ASB18: variants seen among roughly 807,000 people sequenced by gnomAD.
ASB18 encodes the protein ankyrin repeat and SOCS box containing 18, also known as ankyrin repeat and SOCS box protein 18.
Under a neutral mutation model 33.4 loss-of-function variants are expected in ASB18, and 33 were observed. The ratio of observed to expected loss-of-function variants is 0.99; its 90% confidence interval spans 0.75 to 1.32. The LOEUF (loss-of-function observed/expected upper bound fraction) is 1.32. Ranked by LOEUF, ASB18 falls within the 40% of genes most tolerant of loss-of-function variation. ASB18 has a pLI of 0.00. For synonymous variants in ASB18, 295 were observed against 307.6 expected, an observed-to-expected ratio of 0.96 and a Z score of 0.43; for missense variants, 694 against 655.5, an observed-to-expected ratio of 1.06 and a Z score of -0.64.
At chr2:236,227,924 A>G (rs1173616593) in intron 3 of ASB18, among the ~76,000 whole-genome samples, 1 of 152,214 alleles carries the variant, frequency 6.6e-6, no homozygotes, top group East Asian at 1.9e-4. Flanking sequence ...GAGGGCAGGG[A>G]CTATGTCTAA....
At chr2:236,218,457 A>G (rs1297812551) in intron 3 of ASB18, among the ~76,000 whole-genome samples, 1 of 152,230 alleles carries the variant, frequency 6.6e-6, no homozygotes, top group Non-Finnish European at 1.5e-5. Context: ...GCACCACTGT[A>G]CAGTCCCATT....
rs997934569 is a variant in ASB18 at position 236,200,323 on chromosome 2, T to G, written c.1102-3938A>C. ...GAGATCATGCCACTGCACTCCAGCC[T>G]GGGCGACAGAGCAAGACTCCGTCTA... On this transcript the variant is annotated intron_variant, in intron 4 of 5. Transcript: ENST00000409749. This position sits in a 1 kb window ranked among gnomAD's most constrained non-coding sequence, Gnocchi z 4.2. Among the ~76,000 whole-genome samples, 21 of 152,034 alleles carry G rather than the reference T, an allele frequency of 1.4e-4. No homozygotes were observed. Among genetic ancestry groups the G allele is most frequent in the Non-Finnish European group, 2.6e-4 (18 of 68,018 alleles).
At position 236,214,300 on chromosome 2, in the gene ASB18, A is replaced by G; in HGVS notation, c.1101+62T>C. 6.6e-7 allele frequency: 1 copy of G among 1,516,178 alleles called. No homozygotes were observed. Among genetic ancestry groups the G allele is most frequent in the South Asian group, 1.2e-5 (1 of 81,768 alleles). The allele number at this position is 1,516,178 out of a possible 1,614,324, so 93.9% of individuals were successfully genotyped here. ...GAGCGCCGCATGCAACCCAGCTCCCAGGCCGGTCACTAAGTGGCAAAACTC... is the reference window on the plus strand; with the variant it reads ...GAGCGCCGCATGCAACCCAGCTCCCGGGCCGGTCACTAAGTGGCAAAACTC... On this transcript the variant is annotated intron_variant, in intron 4 of 5. Transcript: ENST00000409749. This position sits in a 1 kb window ranked among gnomAD's most constrained non-coding sequence, Gnocchi z 6.5.
rs2060688446 is a variant in ASB18, at chr2:236,255,608, C to T, written c.205+8533G>A. Among the ~76,000 whole-genome samples the T allele has an allele frequency of 6.6e-6, 1 of 152,196 alleles. No individual in the cohort carries two copies. The highest frequency in any genetic ancestry group is 1.5e-5 in the Non-Finnish European group (1 of 68,030). On this transcript the variant is annotated intron_variant, in intron 1 of 5. Coordinates refer to ENST00000409749, the MANE Select transcript of ASB18 (RefSeq NM_212556.4). The surrounding 1 kb of genome is among the most constrained non-coding windows in gnomAD (Gnocchi z 4.4). ...GCTGGTGGCCTCTCCTGGCACCTGT[C>T]CTTTCTCCTCTATCTTCTGCTTTAC...
rs1277035733 is a variant in ASB18, at chr2:236,222,872, T to C, written c.597-8006A>G. Among the ~76,000 whole-genome samples the C allele has an allele frequency of 2.0e-5, 3 of 151,956 alleles. No homozygotes were observed. Among genetic ancestry groups the C allele is most frequent in the African/African-American group, 7.3e-5 (3 of 41,364 alleles). Reference sequence around the variant, plus strand: ...CTATCTCTACTAAAAATACAAAAATTAGATGGGTGTGGTGGCGCACACCTG... The same window carrying C: ...CTATCTCTACTAAAAATACAAAAATCAGATGGGTGTGGTGGCGCACACCTG... On this transcript the variant is annotated intron_variant, in intron 3 of 5. Transcript: ENST00000409749. This position sits in a 1 kb window ranked among gnomAD's most constrained non-coding sequence, Gnocchi z 5.5.
intron 1 of ASB18, among the ~76,000 whole-genome samples, chr2:236,261,507 A>T (rs1156328305): frequency 6.6e-6 from 1 of 152,186 alleles, no homozygotes; most frequent in African/African-American, 2.4e-5. Context: ...TTTCTCTGTG[A>T]TAAAGTCACT....
At position 236,263,434 on chromosome 2, in the gene ASB18, A is replaced by G. The variant is rs914690966; in HGVS notation, c.205+707T>C. Among the ~76,000 whole-genome samples, 1 of 152,196 alleles carries G rather than the reference A, an allele frequency of 6.6e-6. No individual in the cohort carries two copies. Among genetic ancestry groups the G allele is most frequent in the Non-Finnish European group, 1.5e-5 (1 of 68,032 alleles). On this transcript the variant is annotated intron_variant, in intron 1 of 5. Coordinates refer to ENST00000409749, the MANE Select transcript of ASB18 (RefSeq NM_212556.4). This position sits in a 1 kb window ranked among gnomAD's most constrained non-coding sequence, Gnocchi z 4.0. ...CTTATCAAATGGCAATTTAATACAA[A>G]CATTCATTACCAGTGATGCTCCTTG... is the stretch of plus-strand genomic sequence containing the variant.
At chr2:236,243,578 G>C (rs1215764781) in intron 1 of ASB18, among the ~76,000 whole-genome samples, 1 of 152,004 alleles carries the variant, frequency 6.6e-6, no homozygotes, top group Non-Finnish European at 1.5e-5. Flanking sequence ...GGACAGATGC[G>C]GGGTTCCCAA....
At position 236,229,169 on chromosome 2, in the gene ASB18, G is replaced by T. The variant is rs1361003605; in HGVS notation, c.596+8520C>A. ...CACTTGTTATAACTATATTCCACCT[G>T]TTTGAGAAGCTAGAGGAAAGACTGA... is the stretch of plus-strand genomic sequence containing the variant. On this transcript the variant is annotated intron_variant, in intron 3 of 5. Transcript: ENST00000409749. This position sits in a 1 kb window ranked among gnomAD's most constrained non-coding sequence, Gnocchi z 5.2. Among the ~76,000 whole-genome samples, 1 of 152,218 alleles carries T rather than the reference G, an allele frequency of 6.6e-6. No homozygotes were observed. Among genetic ancestry groups the T allele is most frequent in the East Asian group, 1.9e-4 (1 of 5,194 alleles).
At position 236,250,669 on chromosome 2, in the gene ASB18, A is replaced by T. The variant is rs2060664572; in HGVS notation, c.206-9267T>A. ...CAGGCCTTCCAGTGGAGTTACTTTC[A>T]CACCCTCTTCTGGTCTTTATTCTTC... On this transcript the variant is annotated intron_variant, in intron 1 of 5. Coordinates refer to ENST00000409749, the MANE Select transcript of ASB18 (RefSeq NM_212556.4). This position sits in a 1 kb window ranked among gnomAD's most constrained non-coding sequence, Gnocchi z 4.1. 1 of 152,152 alleles carries T rather than the reference A, an allele frequency of 6.6e-6. No homozygotes were observed. The highest frequency in any genetic ancestry group is 1.5e-5 in the Non-Finnish European group (1 of 68,028). The allele number at this position is 152,152 out of a possible 1,614,324, so 9.4% of individuals were successfully genotyped here.
Position 236,204,078 on chromosome 2 carries a change from G to A in ASB18, c.1102-7693C>T, listed in dbSNP as rs189455758. Among the ~76,000 whole-genome samples the A allele has an allele frequency of 4.9e-4, 73 of 149,898 alleles. 1 individual carries two copies. Among genetic ancestry groups the A allele is most frequent in the Admixed American group, 4.0e-4 (6 of 15,154 alleles). The stretch of plus-strand genomic sequence containing the variant: ...TTGAGATATATTTAGGGGGAAGAGT[G>A]GGGAGAATCTGGGGATGGATTTCCC... On this transcript the variant is annotated intron_variant, in intron 4 of 5. Transcript: ENST00000409749. The surrounding 1 kb of genome is among the most constrained non-coding windows in gnomAD (Gnocchi z 5.1).
rs1246629312 is a variant in ASB18 at position 236,237,638 on chromosome 2, G to T, written c.596+51C>A. On this transcript the variant is annotated intron_variant, in intron 3 of 5. Coordinates refer to ENST00000409749, the MANE Select transcript of ASB18 (RefSeq NM_212556.4). This position sits in a 1 kb window ranked among gnomAD's most constrained non-coding sequence, Gnocchi z 6.2. ...GGCGGTCTCGTGGGGGGAGGCGGGC[G>T]TCTGGTCTCGGGGCGGGGCGGACGC... The T allele has an allele frequency of 2.1e-5, 27 of 1,314,898 alleles. No homozygotes were observed. Among genetic ancestry groups the T allele is most frequent in the Non-Finnish European group, 2.5e-5 (26 of 1,033,244 alleles). 81.5% of individuals were successfully genotyped at this position (1,314,898 alleles called of 1,614,324 possible). A position where few individuals can be genotyped will look rare whatever the true frequency, so the allele number is the denominator to read the frequency against.
In ASB18 at chr2:236,241,346, C is replaced by A. The variant is rs772503213; in HGVS notation, c.262G>T (p.Val88Leu). The change falls in exon 2 of 6, where the codon GTG becomes TTG. Residue 88 changes from valine to leucine, a missense_variant. By Grantham distance (32) the Val-to-Leu change is conservative (BLOSUM62 1). Coordinates refer to ENST00000409749, the MANE Select transcript of ASB18 (RefSeq NM_212556.4). The surrounding 1 kb of genome is among the most constrained non-coding windows in gnomAD (Gnocchi z 4.2). ...ATCTCATCCTTATTGATCTCAAACACCACGTTGGCATCCTGGAAGAACTGG... is the reference window on the plus strand; with the variant it reads ...ATCTCATCCTTATTGATCTCAAACAACACGTTGGCATCCTGGAAGAACTGG... ...MDQFFQDANV[V>L]FEINKDEMEW... 6 of 1,613,944 alleles carry A rather than the reference C, an allele frequency of 3.7e-6. No homozygotes were observed. In the East Asian group the frequency reaches 1.1e-4, roughly 30 times the overall value.
chr2:236,237,772 C>T lies in ASB18; in HGVS notation c.513G>A (p.Leu171=), dbSNP rs562208286. ...GGTCGGGGTCGGCGCGGTGCTGCAG[C>T]AGCAGGCGGACGCAGGCGGTGTGGC... ...LGGHTACVRL[L]LQHRADPDLL... The change falls in exon 3 of 6, where the codon CTG becomes CTA. Residue 171 remains leucine (L), a synonymous_variant. Coordinates refer to ENST00000409749, the MANE Select transcript of ASB18 (RefSeq NM_212556.4). This position sits in a 1 kb window ranked among gnomAD's most constrained non-coding sequence, Gnocchi z 6.2. The T allele has an allele frequency of 2.8e-6, 4 of 1,446,746 alleles. No individual in the cohort carries two copies. In the Admixed American group the frequency reaches 1.0e-4, roughly 37 times the overall value. The allele number at this position is 1,446,746 out of a possible 1,614,324, so 89.6% of individuals were successfully genotyped here. A position where few individuals can be genotyped will look rare whatever the true frequency, so the allele number is the denominator to read the frequency against.
chr2:236,232,620 C>G (rs921315537), intron 3 of ASB18, among the ~76,000 whole-genome samples: 2 of 151,942 alleles, frequency 1.3e-5, no homozygotes, highest in African/African-American at 2.4e-5. Flanking sequence ...ACTATAGAAT[C>G]TACAGCTCTT....
In ASB18 at chr2:236,248,766, A is replaced by T. The variant is rs1180621734; in HGVS notation, c.206-7364T>A. Reference sequence around the variant, plus strand: ...TTGTGTGATACATATCGTGATTTGAATGAATTTGTGGAAGGGTAGCTATCA... The same window carrying T: ...TTGTGTGATACATATCGTGATTTGATTGAATTTGTGGAAGGGTAGCTATCA... On this transcript the variant is annotated intron_variant, in intron 1 of 5. Coordinates refer to ENST00000409749, the MANE Select transcript of ASB18 (RefSeq NM_212556.4). This position sits in a 1 kb window ranked among gnomAD's most constrained non-coding sequence, Gnocchi z 4.9. 2 of 152,178 alleles carry T rather than the reference A, an allele frequency of 1.3e-5. No homozygotes were observed. Among genetic ancestry groups the T allele is most frequent in the Admixed American group, 6.5e-5 (1 of 15,270 alleles). The allele number at this position is 152,178 out of a possible 1,614,324, so 9.4% of individuals were successfully genotyped here.
At position 236,237,677 on chromosome 2, in the gene ASB18, C is replaced by G. The variant is rs1441425203; in HGVS notation, c.596+12G>C. 7 of 1,429,750 alleles carry G rather than the reference C, an allele frequency of 4.9e-6. No homozygotes were observed. Among genetic ancestry groups the G allele is most frequent in the Non-Finnish European group, 6.4e-6 (7 of 1,098,318 alleles). The allele number at this position is 1,429,750 out of a possible 1,614,324, so 88.6% of individuals were successfully genotyped here. ...CGGGGCGGACGCCGCGGGCCTGTCCCGAGGTCCTTACCCGAGCGAGGCGGC... is the reference window on the plus strand; with the variant it reads ...CGGGGCGGACGCCGCGGGCCTGTCCGGAGGTCCTTACCCGAGCGAGGCGGC... On this transcript the variant is annotated intron_variant, in intron 3 of 5. Transcript: ENST00000409749. The surrounding 1 kb of genome is among the most constrained non-coding windows in gnomAD (Gnocchi z 6.2).
chr2:236,258,412 G>C (rs950751730), intron 1 of ASB18, among the ~76,000 whole-genome samples: 10 of 152,244 alleles, frequency 6.6e-5, no homozygotes, highest in African/African-American at 2.4e-4. Flanking sequence ...GGTCACGGGA[G>C]AGCTTAGGCA....
rs6431440 is a variant in ASB18 at position 236,215,750 on chromosome 2, G to A, written c.597-884C>T. On this transcript the variant is annotated intron_variant, in intron 3 of 5. Coordinates refer to ENST00000409749, the MANE Select transcript of ASB18 (RefSeq NM_212556.4). This position sits in a 1 kb window ranked among gnomAD's most constrained non-coding sequence, Gnocchi z 7.2. ...CAGTCATACAGACCCTCTGCCCTCC[G>A]CTGGTCCTTGTCCTTCATGGACACG... Among the ~76,000 whole-genome samples, 3,781 of 152,106 alleles carry A rather than the reference G, an allele frequency of 0.025. 155 individuals are homozygous for A. Among genetic ancestry groups the A allele is most frequent in the African/African-American group, 0.083 (3,452 of 41,472 alleles).
Sources: gnomAD v4.1 joint callset for allele counts (sites outside exome capture counted in the v4.1 genomes callset) on GRCh38, gnomAD v4.1.1 for gene constraint, Gnocchi (gnomAD v3.1) non-coding constraint, MANE v1.5 for transcripts, NCBI Gene and HGNC (gene_info 2026-07-23, HGNC 2026-07-21) for gene names.